SPACA7: variants seen among roughly 807,000 people sequenced by gnomAD.
The protein encoded by SPACA7 is sperm acrosome associated 7.
Under a neutral mutation model 26.3 loss-of-function variants are expected in SPACA7, and 19 were observed. That is an observed-to-expected ratio of 0.72 (90% CI 0.50 to 1.06). The LOEUF is 1.06. Ranked by LOEUF, SPACA7 falls within the 50% of genes least tolerant of loss-of-function variation. The pLI, the probability that SPACA7 is intolerant of heterozygous loss-of-function variation, is 0.00. For synonymous variants in SPACA7, 84 were observed against 84.5 expected (o/e 0.99, Z 0.04); for missense variants, 211 against 229.9 (o/e 0.92, Z 0.53).
chr13:112,392,796 AC>A (rs1884977905), intron 1 of SPACA7, among the ~76,000 whole-genome samples: 1 of 151,912 alleles, frequency 6.6e-6, no homozygotes, highest in South Asian at 2.1e-4. Context: ...CCTCACAGCC[AC>A]CCCGGAGGTG....
At chr13:112,421,824 C>A (rs1035138910) in intron 5 of SPACA7, among the ~76,000 whole-genome samples, 2 of 152,084 alleles carry the variant, frequency 1.3e-5, no homozygotes, top group Non-Finnish European at 2.9e-5. Flanking sequence ...ATGGATGGAG[C>A]TGGAGGCTAT....
At chr13:112,399,324 A>T (rs1885487514) in intron 4 of SPACA7, 151 bp downstream of exon 4, 1 of 654,080 alleles carries the variant, frequency 1.5e-6, no homozygotes, top group South Asian at 1.8e-5. Flanking sequence ...CAGATCTCCC[A>T]GTCTCTGTCG....
Position 112,389,962 on chromosome 13 carries a change from A to G in SPACA7, c.95-3059A>G, listed in dbSNP as rs181363957. Among the ~76,000 whole-genome samples, 486 of 152,382 alleles carry G rather than the reference A, an allele frequency of 3.2e-3. 2 individuals carry two copies. The highest frequency in any genetic ancestry group is 5.3e-3 in the Non-Finnish European group (359 of 68,044). On this transcript the variant is annotated intron_variant, in intron 1 of 6. Coordinates refer to ENST00000283550, the MANE Select transcript of SPACA7 (RefSeq NM_145248.5). ...CACAGAGGCTGTGATTGAAGCAGCC[A>G]TCTGGATATATCAAAGCCTTCACTG...
chr13:112,430,174 C>CTGTGTGTGTGTGTGTGTGTG (rs61438595), intron 5 of SPACA7, among the ~76,000 whole-genome samples: 37 of 134,310 alleles, frequency 2.8e-4, no homozygotes, highest in East Asian at 2.1e-3. Context: ...ATCTCTCTCT[C>CTGTGTGTGTGTGTGTGTGTG]TGTGTGTGTG....
chr13:112,405,623 C>T (rs540404089), intron 5 of SPACA7, among the ~76,000 whole-genome samples: 1 of 152,236 alleles, frequency 6.6e-6, no homozygotes, highest in South Asian at 2.1e-4. Context: ...ACTTGAGAAA[C>T]AGGTGTATTC....
In SPACA7 at chr13:112,429,974, C is replaced by G. The variant is rs115590874; in HGVS notation, c.446-2470C>G. ...TACTGAAGCAATGTAATTCTGTGTA[C>G]TCAATTTCCTGTGTATTATGAGGGT... On this transcript the variant is annotated intron_variant, in intron 5 of 6. Coordinates refer to ENST00000283550, the MANE Select transcript of SPACA7 (RefSeq NM_145248.5). Among the ~76,000 whole-genome samples the G allele has an allele frequency of 8.0e-3, 1,221 of 152,256 alleles. 17 individuals carry two copies. The highest frequency in any genetic ancestry group is 0.028 in the African/African-American group (1,155 of 41,538).
chr13:112,414,388 CTTTTTTTTTTTTTTTTTTTTT>C (rs869183760), intron 5 of SPACA7, among the ~76,000 whole-genome samples: 5 of 31,396 alleles, frequency 1.6e-4, no homozygotes, highest in Non-Finnish European at 2.3e-4. Flanking sequence ...TTTTCTGTGT[CTTTTTTTTTTTTTTTTTTTTT>C]TTTTTTTTTT....
At position 112,400,450 on chromosome 13, in the gene SPACA7, T is replaced by C. The variant is rs117463031; in HGVS notation, c.350-619T>C. 9.7e-3 allele frequency among the ~76,000 whole-genome samples: 1,474 copies of C among 152,304 alleles called. 11 individuals are homozygous for C. The highest frequency in any genetic ancestry group is 0.012 in the Non-Finnish European group (830 of 68,022). On this transcript the variant is annotated intron_variant, in intron 4 of 6. Transcript: ENST00000283550. ...TTCTGCTTTAAGAAAGAGCTGCCCC[T>C]CCTCCCCTGTTTATGTATTCGGTTG...
chr13:112,392,979 C>T (rs781030321), intron 1 of SPACA7, 42 bp from the exon 2 acceptor site: 3 of 1,562,850 alleles, frequency 1.9e-6, no homozygotes. Context: ...TATGCAAATT[C>T]AATGAACATT....
In SPACA7 at chr13:112,434,613, C is replaced by T. The variant is rs549246488; in HGVS notation, c.*64C>T. 4.5e-5 allele frequency: 61 copies of T among 1,347,274 alleles called. No individual in the cohort carries two copies. Among genetic ancestry groups the T allele is most frequent in the African/African-American group, 5.8e-5 (4 of 69,338 alleles). The allele number at this position is 1,347,274 out of a possible 1,614,324, so 83.5% of individuals were successfully genotyped here. A position where few individuals can be genotyped will look rare whatever the true frequency, so the allele number is the denominator to read the frequency against. ...GCTAGAACCCCCACCCACCAGCCTC[C>T]GGAACAGGGCACTTGTGTGCACACG... On this transcript the variant is annotated 3_prime_UTR_variant, in exon 7 of 7. Transcript: ENST00000283550.
At chr13:112,404,657 A>G (rs1442264100) in intron 5 of SPACA7, among the ~76,000 whole-genome samples, 1 of 148,520 alleles carries the variant, frequency 6.7e-6, no homozygotes, top group African/African-American at 2.5e-5. Flanking sequence ...TACCAGCACC[A>G]TTTGTTGAAT....
chr13:112,430,168 C>CTGTGTGTGTGTGTGTGTGTGTG (rs1471577074), intron 5 of SPACA7, among the ~76,000 whole-genome samples: 6 of 115,882 alleles, frequency 5.2e-5, no homozygotes, highest in African/African-American at 2.3e-4. Flanking sequence ...CCTTGCATCT[C>CTGTGTGTGTGTGTGTGTGTGTG]TCTCTCTGTG....
At chr13:112,391,866 C>A (rs936672452) in intron 1 of SPACA7, among the ~76,000 whole-genome samples, 1 of 152,138 alleles carries the variant, frequency 6.6e-6, no homozygotes, top group Non-Finnish European at 1.5e-5. Context: ...TTTCGTTTAC[C>A]GAAGGTCAGC....
At chr13:112,432,567 T>C (rs748221195) in intron 6 of SPACA7, 46 bp downstream of exon 6, 6 of 1,429,562 alleles carry the variant, frequency 4.2e-6, no homozygotes, top group Middle Eastern at 3.8e-4. Context: ...TGGGGATTCT[T>C]TTCCTGCTCA....
At chr13:112,394,331 G>T (rs368091426) in intron 2 of SPACA7, among the ~76,000 whole-genome samples, 3,091 of 151,840 alleles carry the variant, frequency 0.02, 73 homozygotes, top group African/African-American at 0.07. Flanking sequence ...CTCTCTGCCA[G>T]CATTGCCTGT....
At chr13:112,383,196 A>AG (rs1192817057) in intron 1 of SPACA7, among the ~76,000 whole-genome samples, 2 of 137,982 alleles carry the variant, frequency 1.4e-5, no homozygotes, top group African/African-American at 2.9e-5. Flanking sequence ...AAAGAAAGAA[A>AG]AGAAAGAAAG....
intron 1 of SPACA7, among the ~76,000 whole-genome samples, chr13:112,389,378 G>A (rs949457762): frequency 6.6e-6 from 1 of 152,022 alleles, no homozygotes; most frequent in African/African-American, 2.4e-5. Flanking sequence ...AGTTTATTTG[G>A]CTAGTAACCC....
intron 1 of SPACA7, among the ~76,000 whole-genome samples, chr13:112,385,957 C>T (rs529161031): frequency 2.0e-5 from 3 of 152,216 alleles, no homozygotes; most frequent in South Asian, 4.1e-4. Flanking sequence ...CTTGGAGGAA[C>T]GGAGCTGGGA....
At chr13:112,386,698 C>T (rs1047455008) in intron 1 of SPACA7, among the ~76,000 whole-genome samples, 8 of 152,094 alleles carry the variant, frequency 5.3e-5, no homozygotes, top group Non-Finnish European at 7.4e-5. Flanking sequence ...AAGAGAAAAA[C>T]ATAAAGGCCT....
Sources: allele counts gnomAD v4.1 joint callset (sites outside exome capture counted in the v4.1 genomes callset), GRCh38; gene constraint gnomAD v4.1.1; transcripts MANE v1.5; gene names NCBI Gene and HGNC (gene_info 2026-07-23, HGNC 2026-07-21).